Variants in CLUL1 observed in about 807,000 individuals in gnomAD.
The protein encoded by CLUL1 is clusterin like 1.
CLUL1 carries 43 observed loss-of-function variants against 49.4 expected under a neutral mutation model. The observed-to-expected ratio is 0.87, with a 90% CI of 0.68 to 1.12. The LOEUF (loss-of-function observed/expected upper bound fraction) is 1.12, where lower values mean the gene tolerates loss of function less well. Ranked by LOEUF, CLUL1 falls within the 50% of genes most tolerant of loss-of-function variation. CLUL1 has a pLI of 0.00. For missense variants in CLUL1, 486 were observed against 544.4 expected, an observed-to-expected ratio of 0.89 and a Z score of 1.07; for synonymous variants, 192 against 184.9, an observed-to-expected ratio of 1.04 and a Z score of -0.31.
At chr18:646,947 C>T (rs2074525522) in intron 9 of CLUL1, among the ~76,000 whole-genome samples, 1 of 152,040 alleles carries the variant, frequency 6.6e-6, no homozygotes. Flanking sequence ...GACAGGGTTT[C>T]ACCATGTTGG....
chr18:645,805 AAAAAAATATATAT>A (rs2074471484), intron 9 of CLUL1, among the ~76,000 whole-genome samples: 2 of 51,422 alleles, frequency 3.9e-5, no homozygotes, highest in African/African-American at 7.6e-5. Flanking sequence ...AAAAAAAAAA[AAAAAAATATATAT>A]ATATATATAT....
intron 6 of CLUL1, among the ~76,000 whole-genome samples, chr18:633,011 G>A (rs1368523126): frequency 1.3e-5 from 2 of 152,128 alleles, no homozygotes; most frequent in African/African-American, 4.8e-5. Flanking sequence ...ACAAAGATTA[G>A]CTGGGCTTGG....
rs375078581 is a variant in CLUL1, at chr18:633,297, G to C, written c.857-1G>C. 6.2e-7 allele frequency: 1 copy of C among 1,610,466 alleles called. No individual in the cohort carries two copies. The highest frequency in any genetic ancestry group is 8.5e-7 in the Non-Finnish European group (1 of 1,178,396). Reference sequence around the variant, plus strand: ...ACGTGTAAATGTTATGTTCCCTGTAGCTCCTGACCACGGAGGCCTGATTTC... The same window carrying C: ...ACGTGTAAATGTTATGTTCCCTGTACCTCCTGACCACGGAGGCCTGATTTC... On this transcript the variant is annotated splice_acceptor_variant, in intron 6 of 9. Transcript: ENST00000692774. LOFTEE classifies it high-confidence loss of function.
intron 1 of CLUL1, among the ~76,000 whole-genome samples, chr18:601,721 A>G (rs1287947648): frequency 1.3e-5 from 2 of 152,110 alleles, no homozygotes; most frequent in African/African-American, 4.8e-5. Context: ...AGGCAGGAGA[A>G]TCGCTTGAAC....
chr18:629,884 T>C (rs1026010563), intron 6 of CLUL1, among the ~76,000 whole-genome samples: 3 of 152,152 alleles, frequency 2.0e-5, no homozygotes, highest in African/African-American at 7.2e-5. Context: ...TGAATGTGGT[T>C]TCCATCACTT....
At chr18:634,443 C>G (rs2074084720) in intron 7 of CLUL1, among the ~76,000 whole-genome samples, 1 of 152,052 alleles carries the variant, frequency 6.6e-6, no homozygotes, top group Non-Finnish European at 1.5e-5. Flanking sequence ...GGTTTATAAA[C>G]TTTTATTATT....
chr18:637,485 A>G (rs1308949332), intron 7 of CLUL1, among the ~76,000 whole-genome samples: 1 of 151,932 alleles, frequency 6.6e-6, no homozygotes, highest in Non-Finnish European at 1.5e-5. Flanking sequence ...ATACAAATGG[A>G]CTTGTTTACT....
chr18:644,631 T>C (rs1325441911), intron 8 of CLUL1, among the ~76,000 whole-genome samples: 2 of 152,344 alleles, frequency 1.3e-5, no homozygotes, highest in Admixed American at 6.5e-5. Context: ...TCTCTTTTTC[T>C]GCTGAGGGCA....
At chr18:609,293 C>T (rs190715934) in intron 2 of CLUL1, among the ~76,000 whole-genome samples, 202 of 152,294 alleles carry the variant, frequency 1.3e-3, no homozygotes, top group African/African-American at 4.8e-3. Context: ...CGAATTTATA[C>T]GCTACTGACA....
At chr18:646,497 GACACACACAC>G (rs56076402) in intron 9 of CLUL1, among the ~76,000 whole-genome samples, 1,755 of 141,320 alleles carry the variant, frequency 0.012, 36 homozygotes, top group African/African-American at 0.042. Context: ...CAGATAGATA[GACACACACAC>G]ACACACACAC....
Position 619,323 on chromosome 18 carries a change from C to A in CLUL1, c.217C>A (p.Leu73Ile). The change falls in exon 4 of 10, where the codon CTA becomes ATA. Residue 73 changes from leucine (L) to isoleucine (I), a missense_variant. By Grantham distance (5) the Leu-to-Ile change is conservative. Transcript: ENST00000692774. Reference protein sequence around the residue: ...MERKEKEHTNLMSTLKKCREE... With the variant: ...MERKEKEHTNIMSTLKKCREE... ...AAGAAAAGAGAAGGAACACACCAATCTAATGAGCACCCTGAAGAAATGCAG... is the reference window on the plus strand; with the variant it reads ...AAGAAAAGAGAAGGAACACACCAATATAATGAGCACCCTGAAGAAATGCAG... The A allele has an allele frequency of 6.2e-7, 1 of 1,613,738 alleles. No individual in the cohort carries two copies. The highest frequency in any genetic ancestry group is 8.5e-7 in the Non-Finnish European group (1 of 1,179,838).
chr18:624,867 G>C lies in CLUL1; in HGVS notation c.258G>C (p.Glu86Asp). 2 of 1,613,334 alleles carry C rather than the reference G, an allele frequency of 1.2e-6. No individual in the cohort carries two copies. The highest frequency in any genetic ancestry group is 3.3e-4 in the Middle Eastern group (2 of 6,056). The stretch of plus-strand genomic sequence containing the variant: ...CTTTTGTTTCTACTTTTAACTAGGA[G>C]GCCCTGAAACTTCTGAATGAAGTTC... ...TLKKCREEKQ[E>D]ALKLLNEVQE... The change falls in exon 5 of 10, where the codon GAG becomes GAC. Residue 86 changes from glutamate (E) to aspartate (D), a missense_variant and splice_region_variant. Coordinates refer to ENST00000692774, the MANE Select transcript of CLUL1 (RefSeq NM_001393344.1).
At chr18:626,864 T>TAAGAAAGAAAGAAA (rs2073737831) in intron 5 of CLUL1, among the ~76,000 whole-genome samples, 1 of 70,798 alleles carries the variant, frequency 1.4e-5, no homozygotes, top group Non-Finnish European at 2.8e-5. Context: ...CCATCTCAAA[T>TAAGAAAGAAAGAAA]AAGAAAGAAA....
At chr18:605,769 C>G (rs2072956254) in intron 1 of CLUL1, among the ~76,000 whole-genome samples, 3 of 152,090 alleles carry the variant, frequency 2.0e-5, no homozygotes, top group Admixed American at 2.0e-4. Context: ...CTCCGCCTAC[C>G]AGGTTCAAGC....
At chr18:646,843 A>G (rs565229719) in intron 9 of CLUL1, among the ~76,000 whole-genome samples, 32 of 151,212 alleles carry the variant, frequency 2.1e-4, no homozygotes, top group Admixed American at 1.1e-3. Flanking sequence ...TCGGCCTCCC[A>G]GGTTCAAATG....
At chr18:617,887 T>C in intron 2 of CLUL1, 101 bp from the exon 3 acceptor site, 1 of 908,346 alleles carries the variant, frequency 1.1e-6, no homozygotes, top group Non-Finnish European at 1.7e-6. Context: ...TAAGGAAAAA[T>C]TGACAGAAAA....
chr18:635,774 T>A (rs1191354244), intron 7 of CLUL1, among the ~76,000 whole-genome samples: 2 of 152,138 alleles, frequency 1.3e-5, no homozygotes, highest in African/African-American at 4.8e-5. Flanking sequence ...ACCGTTTCTG[T>A]CGCCCAGGCT....
chr18:611,438 C>T (rs546273080), intron 2 of CLUL1, among the ~76,000 whole-genome samples: 14 of 152,128 alleles, frequency 9.2e-5, no homozygotes, highest in Admixed American at 2.6e-4. Flanking sequence ...GTGGCTCCAG[C>T]GTGTCATCCC....
rs778365711 is a variant in CLUL1, at chr18:633,283, T to C, written c.857-15T>C. The C allele has an allele frequency of 6.2e-7, 1 of 1,601,980 alleles. No individual in the cohort carries two copies. Among genetic ancestry groups the C allele is most frequent in the South Asian group, 1.1e-5 (1 of 88,938 alleles). ...CTCTTATGACACTAACGTGTAAATGTTATGTTCCCTGTAGCTCCTGACCAC... is the reference window on the plus strand; with the variant it reads ...CTCTTATGACACTAACGTGTAAATGCTATGTTCCCTGTAGCTCCTGACCAC... On this transcript the variant is annotated splice_polypyrimidine_tract_variant and intron_variant, in intron 6 of 9. Transcript: ENST00000692774.
Sources: allele counts gnomAD v4.1 joint callset (sites outside exome capture counted in the v4.1 genomes callset), GRCh38; gene constraint gnomAD v4.1.1; transcripts MANE v1.5; gene names NCBI Gene and HGNC (gene_info 2026-07-23, HGNC 2026-07-21).